Variants in KANK1 observed in about 807,000 individuals in gnomAD.
KANK1 encodes KN motif and ankyrin repeat domains 1.
In KANK1, 109 loss-of-function variants were observed where a neutral mutation model predicts 106.2. The observed-to-expected ratio is 1.03, with a 90% CI of 0.88 to 1.20. The LOEUF (loss-of-function observed/expected upper bound fraction) is 1.20. KANK1 is among the 50% of genes most tolerant of loss of function. The probability of loss-of-function intolerance (pLI) is 0.00; values close to 1 mark genes in which losing one functional copy is unlikely to be tolerated. For missense variants in KANK1, 2,399 were observed against 1,710.7 expected (o/e 1.40, Z -7.10); for synonymous variants, 873 against 652.2 (o/e 1.34, Z -5.16).
At chr9:703,358 T>G (rs973984712) in intron 2 of KANK1, among the ~76,000 whole-genome samples, 1 of 152,148 alleles carries the variant, frequency 6.6e-6, no homozygotes, top group Non-Finnish European at 1.5e-5. Context: ...TAGTCATCTC[T>G]CAGCTAGACT....
chr9:584,973 G>A (rs1442763248), intron 1 of KANK1, among the ~76,000 whole-genome samples: 1 of 152,162 alleles, frequency 6.6e-6, no homozygotes, highest in Non-Finnish European at 1.5e-5. Flanking sequence ...CTGCCATTTT[G>A]AAAACTGCCC....
At chr9:642,292 T>C (rs972317711) in intron 1 of KANK1, among the ~76,000 whole-genome samples, 1 of 150,818 alleles carries the variant, frequency 6.6e-6, no homozygotes, top group Non-Finnish European at 1.5e-5. Flanking sequence ...GTTACCCCAT[T>C]TGTGTTTTAC....
At chr9:582,485 A>C (rs2804278) in intron 1 of KANK1, among the ~76,000 whole-genome samples, 64,279 of 151,888 alleles carry the variant, frequency 0.42, 14,576 homozygotes, top group South Asian at 0.59. Context: ...TACCAGCCTC[A>C]CTCACACTGT....
chr9:518,424 G>A (rs114090638), intron 1 of KANK1, among the ~76,000 whole-genome samples: 2,293 of 144,654 alleles, frequency 0.016, 73 homozygotes, highest in African/African-American at 0.029. Flanking sequence ...TTACTTTACC[G>A]TTTCTTCCTG....
At chr9:729,817 C>T (rs1462480399) in intron 3 of KANK1, among the ~76,000 whole-genome samples, 1 of 152,066 alleles carries the variant, frequency 6.6e-6, no homozygotes, top group East Asian at 1.9e-4. Context: ...AAGGCTATGA[C>T]GGTAGCAGCC....
intron 2 of KANK1, among the ~76,000 whole-genome samples, chr9:679,632 G>T (rs1256115604): frequency 6.6e-6 from 1 of 152,070 alleles, no homozygotes; most frequent in Admixed American, 6.5e-5. Context: ...CCAGGCTGGG[G>T]TTGAACTCAT....
chr9:730,945 T>A, intron 4 of KANK1: 1 of 368,860 alleles, frequency 2.7e-6, no homozygotes, highest in Non-Finnish European at 5.0e-6. Context: ...AAGGACTAAT[T>A]GATTTTTTTC....
At chr9:634,653 G>C (rs1196123729) in intron 1 of KANK1, among the ~76,000 whole-genome samples, 1 of 152,170 alleles carries the variant, frequency 6.6e-6, no homozygotes, top group Non-Finnish European at 1.5e-5. Flanking sequence ...GTTTCAGGGA[G>C]GGACTGTTAT....
In KANK1 at chr9:742,432, G is replaced by T. The variant is rs200159542; in HGVS notation, c.3897+27G>T. The T allele has an allele frequency of 3.0e-4, 472 of 1,584,362 alleles. 4 individuals carry two copies. In the East Asian group the frequency reaches 0.01, roughly 35 times the overall value. On this transcript the variant is annotated intron_variant, in intron 10 of 11. Transcript: ENST00000382297. ...TAAGCTGTCTCCATTGGGCCTCCTG[G>T]CCAGGGGTCTGGGGGACTCTGGACG...
chr9:484,872 A>G (rs1253580262), intron 3 of KANK1, among the ~76,000 whole-genome samples: 3 of 152,142 alleles, frequency 2.0e-5, no homozygotes, highest in African/African-American at 7.2e-5. Context: ...ATAAGAATCC[A>G]GCATGGGATT....
intron 1 of KANK1, among the ~76,000 whole-genome samples, chr9:563,740 A>G (rs113888421): frequency 2.6e-5 from 4 of 152,180 alleles, no homozygotes; most frequent in South Asian, 2.1e-4. Context: ...CAGAATCTCA[A>G]AATTGCTCTA....
At chr9:529,845 A>T (rs533376976) in intron 1 of KANK1, among the ~76,000 whole-genome samples, 4 of 152,364 alleles carry the variant, frequency 2.6e-5, no homozygotes, top group Admixed American at 2.0e-4. Flanking sequence ...TACTTCTCAC[A>T]GATGTTACTC....
At position 660,898 on chromosome 9, in the gene KANK1, C is replaced by T. The variant is rs76756396; in HGVS notation, c.-83-15992C>T. Among the ~76,000 whole-genome samples the T allele has an allele frequency of 2.9e-3, 439 of 152,306 alleles. 1 individual carries two copies. The highest frequency in any genetic ancestry group is 4.7e-3 in the Non-Finnish European group (319 of 68,022). On this transcript the variant is annotated intron_variant, in intron 1 of 11. Transcript: ENST00000382297. ...TGCCACAAAGGTCTTTTTGACCAGACATGCCCTAGCTAAGGGATGTCCAAA... is the reference window on the plus strand; with the variant it reads ...TGCCACAAAGGTCTTTTTGACCAGATATGCCCTAGCTAAGGGATGTCCAAA...
intron 1 of KANK1, among the ~76,000 whole-genome samples, chr9:544,195 A>AT (rs1282464961): frequency 1.3e-5 from 2 of 151,400 alleles, no homozygotes; most frequent in East Asian, 1.9e-4. Context: ...TAATTTTTTT[A>AT]TTTTTTGTAG....
intron 2 of KANK1, among the ~76,000 whole-genome samples, chr9:678,687 C>T (rs1816890509): frequency 6.6e-6 from 1 of 152,186 alleles, no homozygotes; most frequent in African/African-American, 2.4e-5. Flanking sequence ...GATTGCACTA[C>T]TGCCCTCCAG....
chr9:502,024 G>A (rs955174719), upstream of KANK1, among the ~76,000 whole-genome samples: 5 of 152,196 alleles, frequency 3.3e-5, no homozygotes, highest in Non-Finnish European at 5.9e-5. Context: ...GGTAGGGGGA[G>A]GAAGAAAGTA....
intron 1 of KANK1, among the ~76,000 whole-genome samples, chr9:595,009 G>A (rs1029700562): frequency 1.3e-5 from 2 of 151,640 alleles, no homozygotes; most frequent in African/African-American, 4.9e-5. Context: ...TATTCAGAAC[G>A]CAGATTCGAA....
chr9:535,033 C>CGT (rs2060234347), intron 1 of KANK1, among the ~76,000 whole-genome samples: 1 of 152,148 alleles, frequency 6.6e-6, no homozygotes, highest in African/African-American at 2.4e-5. Context: ...GCCTCGCAGC[C>CGT]GTGGGATTGG....
intron 1 of KANK1, among the ~76,000 whole-genome samples, chr9:630,913 C>T (rs1835555276): frequency 6.6e-6 from 1 of 151,724 alleles, no homozygotes; most frequent in South Asian, 2.1e-4. Context: ...CGAGATCATG[C>T]CGCCACACCC....
Sources: gnomAD v4.1 joint callset for allele counts (sites outside exome capture counted in the v4.1 genomes callset) on GRCh38, gnomAD v4.1.1 for gene constraint, MANE v1.5 for transcripts, NCBI Gene and HGNC (gene_info 2026-07-23, HGNC 2026-07-21) for gene names.